LARGE1: variants seen among roughly 807,000 people sequenced by gnomAD.
LARGE1 encodes the protein LARGE xylosyl- and glucuronyltransferase 1, also known as xylosyl- and glucuronyltransferase LARGE1.
Under a neutral mutation model 87.6 loss-of-function variants are expected in LARGE1, and 43 were observed. The observed-to-expected ratio is 0.49, with a 90% CI of 0.38 to 0.63. The LOEUF (loss-of-function observed/expected upper bound fraction) is 0.63. LARGE1 is among the 30% of genes least tolerant of loss of function. The pLI is 0.00. For synonymous variants in LARGE1, 434 were observed against 394.6 expected (o/e 1.10, Z -1.18); for missense variants, 802 against 1,000.2 (o/e 0.80, Z 2.67).
intron 13 of LARGE1, among the ~76,000 whole-genome samples, chr22:33,280,681 T>G (rs924539611): frequency 2.0e-5 from 3 of 152,172 alleles, no homozygotes; most frequent in Non-Finnish European, 2.9e-5. Context: ...CCCCAGCCTG[T>G]GAATGACCTA....
At chr22:33,841,522 G>C (rs1004310923) in intron 1 of LARGE1, among the ~76,000 whole-genome samples, 2 of 152,158 alleles carry the variant, frequency 1.3e-5, no homozygotes, top group African/African-American at 4.8e-5. Context: ...TACAATATCC[G>C]CAGCTCCAAC....
intron 12 of LARGE1, among the ~76,000 whole-genome samples, chr22:33,302,055 G>A (rs549725499): frequency 1.6e-4 from 25 of 152,280 alleles, no homozygotes; most frequent in African/African-American, 5.5e-4. Flanking sequence ...GGGTGGGCAG[G>A]GGTCCAATCC....
chr22:33,532,265 A>C (rs1455434316), intron 6 of LARGE1, among the ~76,000 whole-genome samples: 1 of 152,222 alleles, frequency 6.6e-6, no homozygotes, highest in African/African-American at 2.4e-5. Context: ...CACCTAAAAC[A>C]CCTGTTCTAA....
chr22:33,213,668 TA>T (rs1925065060), intron 11 of LARGE1, among the ~76,000 whole-genome samples: 1 of 152,318 alleles, frequency 6.6e-6, no homozygotes, highest in South Asian at 2.1e-4. Flanking sequence ...TTGGGGGCAA[TA>T]AAAATTTAAA....
chr22:33,915,502 G>C (rs1426134989), intron 1 of LARGE1, among the ~76,000 whole-genome samples: 3 of 151,948 alleles, frequency 2.0e-5, no homozygotes, highest in Admixed American at 6.6e-5. Flanking sequence ...ATGACATAAT[G>C]AAAGTGCCAG....
intron 6 of LARGE1, among the ~76,000 whole-genome samples, chr22:33,558,769 T>C (rs1313841547): frequency 6.6e-6 from 1 of 152,212 alleles, no homozygotes; most frequent in Non-Finnish European, 1.5e-5. Flanking sequence ...ACAAATGTCT[T>C]TTCAAAAGTA....
At chr22:33,676,372 CAAAAAA>C (rs10567981) in intron 2 of LARGE1, among the ~76,000 whole-genome samples, 2 of 16,304 alleles carry the variant, frequency 1.2e-4, no homozygotes, top group Admixed American at 1.2e-3. Flanking sequence ...GATTCAATGG[CAAAAAA>C]AAAAAAAAAA....
At chr22:33,578,572 A>G (rs1239621843) in intron 5 of LARGE1, among the ~76,000 whole-genome samples, 1 of 152,258 alleles carries the variant, frequency 6.6e-6, no homozygotes, top group Non-Finnish European at 1.5e-5. Context: ...TACTAAAGCA[A>G]TTTACAAGTA....
At chr22:33,405,776 T>G (rs187643359) in intron 7 of LARGE1, among the ~76,000 whole-genome samples, 36 of 152,214 alleles carry the variant, frequency 2.4e-4, no homozygotes, top group African/African-American at 8.2e-4. Context: ...TGGTGCAGAG[T>G]CAATGCTGAA....
At chr22:33,183,601 A>AAC (rs779274464) in intron 11 of LARGE1, among the ~76,000 whole-genome samples, 20 of 104,272 alleles carry the variant, frequency 1.9e-4, no homozygotes, top group East Asian at 9.0e-4. Context: ...TGATGGATAA[A>AAC]ACACACACAC....
At chr22:33,081,464 C>G in the LARGE1 span, among the ~76,000 whole-genome samples, 1 of 152,072 alleles carries the variant, frequency 6.6e-6, no homozygotes, top group Non-Finnish European at 1.5e-5. Flanking sequence ...AGCATGGCAT[C>G]TTTGAGGAAT....
intron 5 of LARGE1, among the ~76,000 whole-genome samples, chr22:33,573,960 A>G (rs1369209981): frequency 6.6e-6 from 1 of 152,132 alleles, no homozygotes; most frequent in Admixed American, 6.5e-5. Flanking sequence ...GAGTGGTCCC[A>G]AAGACAGCAA....
At chr22:33,293,436 C>G (rs907320130) in intron 12 of LARGE1, among the ~76,000 whole-genome samples, 1 of 152,142 alleles carries the variant, frequency 6.6e-6, no homozygotes, top group Admixed American at 6.6e-5. Context: ...TCATCATCAT[C>G]ATATAATGAT....
the LARGE1 span, among the ~76,000 whole-genome samples, chr22:33,099,142 G>A: frequency 0.15 from 22,665 of 152,006 alleles, 2,132 homozygotes; most frequent in East Asian, 0.41. Context: ...AGCCTAGGAG[G>A]GTAGAGGAAA....
intron 5 of LARGE1, 23 bp from the exon 6 acceptor site, chr22:33,565,042 A>C (rs1417040746): frequency 6.2e-7 from 1 of 1,611,726 alleles, no homozygotes; most frequent in Non-Finnish European, 8.5e-7. Flanking sequence ...AGGCAGAGAG[A>C]GAGTTGGAGA....
chr22:33,548,213 T>A (rs78800502), intron 6 of LARGE1, among the ~76,000 whole-genome samples: 4,606 of 152,224 alleles, frequency 0.03, 110 homozygotes, highest in East Asian at 0.15. Flanking sequence ...TCTGGTTTTT[T>A]AAAAAATGTG....
At chr22:33,334,422 AC>A (rs67855292) in intron 10 of LARGE1, among the ~76,000 whole-genome samples, 1,365 of 52,818 alleles carry the variant, frequency 0.026, 75 homozygotes, top group African/African-American at 0.21. Context: ...AAAAAAAAAA[AC>A]AAAAAAAAAA....
intron 9 of LARGE1, among the ~76,000 whole-genome samples, chr22:33,371,555 C>CTT (rs1399268320): frequency 3.8e-4 from 58 of 152,250 alleles, no homozygotes; most frequent in Middle Eastern, 3.4e-3. Context: ...CTTAAACAAA[C>CTT]ACCTGATATT....
chr22:33,302,693 CGAGA>C (rs1311844386), intron 12 of LARGE1, among the ~76,000 whole-genome samples: 2 of 152,106 alleles, frequency 1.3e-5, no homozygotes, highest in African/African-American at 4.8e-5. Flanking sequence ...AGCAAGAGAA[CGAGA>C]GAGAAAGAAA....
Sources: allele counts gnomAD v4.1 joint callset (sites outside exome capture counted in the v4.1 genomes callset), GRCh38; gene constraint gnomAD v4.1.1; transcripts MANE v1.5; gene names NCBI Gene and HGNC (gene_info 2026-07-23, HGNC 2026-07-21).